Variants in CEP128 observed in about 807,000 individuals in gnomAD.
CEP128 encodes the protein centrosomal protein 128.
A neutral mutation model predicts 156.7 loss-of-function variants in CEP128; 132 were observed. The observed-to-expected ratio is 0.84, with a 90% CI of 0.73 to 0.97. CEP128 has a LOEUF of 0.97. Ranked by LOEUF, CEP128 falls within the 50% of genes least tolerant of loss-of-function variation. CEP128 has a pLI of 0.00. For synonymous variants in CEP128, 469 were observed against 448.9 expected (o/e 1.04, Z -0.57); for missense variants, 1,252 against 1,281.9 (o/e 0.98, Z 0.36).
chr14:80,938,110 GT>G (rs1885920734), intron 2 of CEP128, among the ~76,000 whole-genome samples: 1 of 151,808 alleles, frequency 6.6e-6, no homozygotes, highest in South Asian at 2.1e-4. Flanking sequence ...GTTGCCCAAG[GT>G]GTTCTAAAAC....
intron 19 of CEP128, among the ~76,000 whole-genome samples, chr14:80,612,740 T>A (rs1893043335): frequency 6.6e-6 from 1 of 152,238 alleles, no homozygotes; most frequent in South Asian, 2.1e-4. Flanking sequence ...CAATATTGAA[T>A]TAAACTGAAT....
At chr14:80,665,715 G>T (rs944499033) in intron 19 of CEP128, among the ~76,000 whole-genome samples, 9 of 151,814 alleles carry the variant, frequency 5.9e-5, no homozygotes, top group African/African-American at 1.9e-4. Context: ...GATATAGAAA[G>T]ATCCTTTTCT....
chr14:80,584,478 T>C (rs1480425554), intron 19 of CEP128, among the ~76,000 whole-genome samples: 1 of 152,174 alleles, frequency 6.6e-6, no homozygotes, highest in Non-Finnish European at 1.5e-5. Flanking sequence ...TCTCCTTAAC[T>C]ACTGCCTTTC....
chr14:80,540,568 T>C (rs1015475802), intron 21 of CEP128, among the ~76,000 whole-genome samples: 1 of 152,170 alleles, frequency 6.6e-6, no homozygotes, highest in African/African-American at 2.4e-5. Flanking sequence ...CAGCTAAAAT[T>C]CTGTATTTAA....
At position 80,823,617 on chromosome 14, in the gene CEP128, A is replaced by AAC. The variant is rs1555352414; in HGVS notation, c.1209+7525_1209+7526insGT. ...TACAGTTTGGCTTGGGAAAAAAAAA[A>AAC]AAACTCCAAAATGATCTCCTTTGAT... On this transcript the variant is annotated intron_variant, in intron 13 of 24. Transcript: ENST00000555265. 2.6e-3 allele frequency among the ~76,000 whole-genome samples: 393 copies of AAC among 151,638 alleles called. 3 individuals are homozygous for AAC. The highest frequency in any genetic ancestry group is 6.1e-3 in the African/African-American group (251 of 41,418).
chr14:80,728,856 T>C (rs770270568), intron 19 of CEP128, among the ~76,000 whole-genome samples: 1 of 152,176 alleles, frequency 6.6e-6, no homozygotes. Context: ...TCTAACTAGA[T>C]GTAACCACAT....
In CEP128 at chr14:80,916,468, CT is replaced by C. The variant is rs768214376; in HGVS notation, c.79del (p.Arg27GlyfsTer9). Reference sequence around the variant, plus strand: ...TACTGTAGGAAGACTTCGAGTTCCCCTGTGCGTTGATCTGGCAGCCCATGGA... The same window carrying C: ...TACTGTAGGAAGACTTCGAGTTCCCCGTGCGTTGATCTGGCAGCCCATGGA... Reference protein sequence around the residue: ...LSPWAARSTHRGTRSLPTVEV... With the variant: ...LSPWAARSTHXGTRSLPTVEV... On this transcript the variant is annotated frameshift_variant, in exon 3 of 25. Transcript: ENST00000555265. LOFTEE classifies it high-confidence loss of function. 6 of 1,613,946 alleles carry C rather than the reference CT, an allele frequency of 3.7e-6. No homozygotes were observed. The Admixed American group carries it at 8.3e-5, about 22-fold the overall frequency.
At chr14:80,532,103 C>T (rs1043840931) in intron 21 of CEP128, among the ~76,000 whole-genome samples, 4 of 152,122 alleles carry the variant, frequency 2.6e-5, no homozygotes, top group East Asian at 1.9e-4. Context: ...ATAATACCTA[C>T]CCTGAGAATT....
At chr14:80,818,132 AC>A (rs1250858118) in intron 13 of CEP128, among the ~76,000 whole-genome samples, 1 of 151,984 alleles carries the variant, frequency 6.6e-6, no homozygotes, top group Non-Finnish European at 1.5e-5. Context: ...TGATCCTCTC[AC>A]CTCAGCCTCC....
chr14:80,929,860 AG>A (rs1192097391), intron 2 of CEP128, among the ~76,000 whole-genome samples: 1 of 152,194 alleles, frequency 6.6e-6, no homozygotes, highest in Non-Finnish European at 1.5e-5. Context: ...ATCCTAAAGC[AG>A]GGGTCTCCAG....
chr14:80,862,274 T>C (rs1301959591), intron 9 of CEP128, among the ~76,000 whole-genome samples: 1 of 152,166 alleles, frequency 6.6e-6, no homozygotes, highest in Non-Finnish European at 1.5e-5. Flanking sequence ...AATCTATCAA[T>C]GAATAGGAGT....
chr14:80,761,701 T>G (rs1267406855), intron 16 of CEP128, 88 bp from the exon 17 acceptor site: 2 of 929,718 alleles, frequency 2.2e-6, no homozygotes, highest in Non-Finnish European at 3.1e-6. Flanking sequence ...CAACTAGAAG[T>G]GGATTTGAAA....
At chr14:80,857,384 A>C (rs1293717034) in intron 9 of CEP128, among the ~76,000 whole-genome samples, 2 of 152,118 alleles carry the variant, frequency 1.3e-5, no homozygotes, top group Middle Eastern at 6.8e-3. Flanking sequence ...ATTTACCTCA[A>C]TGTTATATAC....
At chr14:80,857,681 T>C (rs1034210443) in intron 9 of CEP128, among the ~76,000 whole-genome samples, 38 of 149,440 alleles carry the variant, frequency 2.5e-4, no homozygotes, top group Non-Finnish European at 4.7e-4. Context: ...TTCGAGGCTG[T>C]AGTGAGCCGA....
chr14:80,639,708 A>T (rs1894332343), intron 19 of CEP128, among the ~76,000 whole-genome samples: 1 of 152,122 alleles, frequency 6.6e-6, no homozygotes, highest in Non-Finnish European at 1.5e-5. Context: ...TTCTGTGATG[A>T]CTAGTCTTTA....
At chr14:80,703,777 A>G (rs897036760) in intron 19 of CEP128, among the ~76,000 whole-genome samples, 3 of 151,904 alleles carry the variant, frequency 2.0e-5, no homozygotes, top group Non-Finnish European at 4.4e-5. Flanking sequence ...GTTTTTACCC[A>G]CACTTGTGTG....
chr14:80,540,784 G>A (rs1379876938), intron 21 of CEP128, among the ~76,000 whole-genome samples: 1 of 152,136 alleles, frequency 6.6e-6, no homozygotes, highest in African/African-American at 2.4e-5. Context: ...TTGCTGAACA[G>A]TAGCAGAAAC....
intron 23 of CEP128, among the ~76,000 whole-genome samples, chr14:80,505,352 T>A (rs555524807): frequency 6.6e-6 from 1 of 152,216 alleles, no homozygotes; most frequent in Non-Finnish European, 1.5e-5. Flanking sequence ...AGCTTATGAG[T>A]TACTCTTATA....
intron 19 of CEP128, among the ~76,000 whole-genome samples, chr14:80,667,605 T>A (rs933335480): frequency 6.6e-6 from 1 of 152,112 alleles, no homozygotes. Flanking sequence ...ACGCCTGTAA[T>A]CCCAGCACTT....
Sources: allele counts gnomAD v4.1 joint callset (sites outside exome capture counted in the v4.1 genomes callset), GRCh38; gene constraint gnomAD v4.1.1; transcripts MANE v1.5; gene names NCBI Gene and HGNC (gene_info 2026-07-23, HGNC 2026-07-21).